The following ARSB variants were observed in gnomAD, a reference collection of about 807,000 sequenced individuals.
ARSB encodes N-acetylgalactosamine-4-sulfatase.
Under a neutral mutation model 50.9 loss-of-function variants are expected in ARSB, and 41 were observed. That is an observed-to-expected ratio of 0.81 (90% CI 0.63 to 1.04). The LOEUF (loss-of-function observed/expected upper bound fraction) is 1.04. Among genes scored for constraint, ARSB ranks in the 50% least tolerant of loss-of-function variants. The pLI, the probability that ARSB is intolerant of heterozygous loss-of-function variation, is 0.00. For missense variants in ARSB, 672 were observed against 693.3 expected, an observed-to-expected ratio of 0.97 and a Z score of 0.35; for synonymous variants, 269 against 284.8, an observed-to-expected ratio of 0.94 and a Z score of 0.56.
intron 6 of ARSB, chr5:78,815,600 T>G: frequency 1.0e-6 from 1 of 986,042 alleles, no homozygotes; most frequent in Non-Finnish European, 1.2e-6. Flanking sequence ...AAAATTTCTG[T>G]TTTTAGCTGA....
At chr5:78,841,771 AT>A (rs1745224377) in intron 5 of ARSB, among the ~76,000 whole-genome samples, 1 of 152,142 alleles carries the variant, frequency 6.6e-6, no homozygotes, top group Non-Finnish European at 1.5e-5. Context: ...CGATGAGATG[AT>A]TTTTTGAAAC....
intron 1 of ARSB, 71 bp downstream of exon 1, chr5:78,984,866 C>G (rs1250938621): frequency 1.6e-5 from 19 of 1,197,524 alleles, no homozygotes; most frequent in Non-Finnish European, 1.9e-5. Context: ...GCCTCAAGGG[C>G]CGGGTAGGAG....
intron 5 of ARSB, among the ~76,000 whole-genome samples, chr5:78,842,947 T>C (rs1474238402): frequency 6.6e-6 from 1 of 152,164 alleles, no homozygotes; most frequent in Admixed American, 6.5e-5. Context: ...TTATTTGCCA[T>C]TAGGTATCTT....
At chr5:78,937,856 A>G (rs930290328) in intron 4 of ARSB, among the ~76,000 whole-genome samples, 2 of 152,178 alleles carry the variant, frequency 1.3e-5, no homozygotes, top group African/African-American at 4.8e-5. Context: ...ATAAGGTGCC[A>G]AGATTATCAC....
At chr5:78,960,608 C>G (rs1184125673) in intron 3 of ARSB, among the ~76,000 whole-genome samples, 1 of 152,130 alleles carries the variant, frequency 6.6e-6, no homozygotes, top group East Asian at 1.9e-4. Context: ...CTCTGTCACC[C>G]AGGCTGGAGT....
At chr5:78,835,429 T>C (rs930637631) in intron 6 of ARSB, among the ~76,000 whole-genome samples, 1 of 152,154 alleles carries the variant, frequency 6.6e-6, no homozygotes, top group Admixed American at 6.5e-5. Context: ...CCTATTCGTA[T>C]GATTCACAAT....
chr5:78,969,014 G>GT lies in ARSB; in HGVS notation c.490dup (p.Thr164AsnfsTer9). 1 of 1,614,148 alleles carries GT rather than the reference G, an allele frequency of 6.2e-7. No individual in the cohort carries two copies. Among genetic ancestry groups the GT allele is most frequent in the Non-Finnish European group, 8.5e-7 (1 of 1,180,022 alleles). ...ATGTGCATTTCCATTACCAAAGTAGGTATCAAATCCTCGGCGGGTTGGAAG... is the reference window on the plus strand; with the variant it reads ...ATGTGCATTTCCATTACCAAAGTAGGTTATCAAATCCTCGGCGGGTTGGAAG... On this transcript the variant is annotated frameshift_variant, in exon 2 of 8. Transcript: ENST00000264914. LOFTEE classifies it high-confidence loss of function.
At chr5:78,900,186 C>A (rs972519388) in intron 4 of ARSB, among the ~76,000 whole-genome samples, 3 of 152,034 alleles carry the variant, frequency 2.0e-5, no homozygotes, top group Non-Finnish European at 4.4e-5. Context: ...CCCATGGGAA[C>A]CTGTGGAATG....
chr5:78,835,977 C>T (rs371462125), intron 6 of ARSB, among the ~76,000 whole-genome samples: 36 of 152,166 alleles, frequency 2.4e-4, no homozygotes, highest in Non-Finnish European at 4.6e-4. Context: ...AGTTTACACC[C>T]GAGATTGGCT....
intron 4 of ARSB, among the ~76,000 whole-genome samples, chr5:78,952,974 A>G (rs1561523260): frequency 6.6e-6 from 1 of 152,166 alleles, no homozygotes; most frequent in Non-Finnish European, 1.5e-5. Context: ...CAAAACCAGC[A>G]CTGATCAAAA....
intron 4 of ARSB, among the ~76,000 whole-genome samples, chr5:78,917,675 G>C (rs1580058077): frequency 6.6e-6 from 1 of 152,128 alleles, no homozygotes; most frequent in African/African-American, 2.4e-5. Context: ...ACCACACCCA[G>C]CTAATTTTTA....
intron 5 of ARSB, among the ~76,000 whole-genome samples, chr5:78,852,819 A>G (rs1036265710): frequency 2.0e-5 from 3 of 151,814 alleles, no homozygotes; most frequent in African/African-American, 4.8e-5. Flanking sequence ...ATCTTCCATC[A>G]CTGATACCCT....
chr5:78,800,336 A>AGC (rs1554071191), intron 6 of ARSB, among the ~76,000 whole-genome samples: 9,873 of 143,534 alleles, frequency 0.069, 693 homozygotes, highest in African/African-American at 0.18. Flanking sequence ...AAAAAAAAAA[A>AGC]AGCAGCAGCA....
chr5:78,941,321 G>A (rs529307448), intron 4 of ARSB, among the ~76,000 whole-genome samples: 26 of 151,058 alleles, frequency 1.7e-4, no homozygotes, highest in Non-Finnish European at 3.0e-4. Flanking sequence ...CCAACACTAT[G>A]TTGAATAGGA....
intron 4 of ARSB, among the ~76,000 whole-genome samples, chr5:78,915,898 C>T (rs571240379): frequency 6.6e-6 from 1 of 152,242 alleles, no homozygotes; most frequent in African/African-American, 2.4e-5. Context: ...GGCATCATAT[C>T]GGCTCAAGAA....
chr5:78,786,251 G>A (rs1749078136), intron 6 of ARSB, among the ~76,000 whole-genome samples: 1 of 152,208 alleles, frequency 6.6e-6, no homozygotes, highest in Non-Finnish European at 1.5e-5. Context: ...CAGACAATAT[G>A]TGGCCTTTCG....
intron 1 of ARSB, among the ~76,000 whole-genome samples, chr5:78,977,169 CG>C (rs67756663): frequency 0.34 from 50,330 of 149,476 alleles, 9,065 homozygotes; most frequent in African/African-American, 0.44. Flanking sequence ...ACTTCCCCCC[CG>C]CGAGATGGAG....
intron 6 of ARSB, among the ~76,000 whole-genome samples, chr5:78,829,424 C>T (rs1744576124): frequency 1.3e-5 from 2 of 152,188 alleles, no homozygotes; most frequent in Admixed American, 6.5e-5. Flanking sequence ...CAAATGCTGT[C>T]ACTTCTTCAT....
At chr5:78,848,804 A>C (rs1198588350) in intron 5 of ARSB, among the ~76,000 whole-genome samples, 2 of 152,070 alleles carry the variant, frequency 1.3e-5, no homozygotes, top group African/African-American at 4.8e-5. Flanking sequence ...TTTGATTTGC[A>C]TTTCTCTGAT....
Sources: gnomAD v4.1 joint callset for allele counts (sites outside exome capture counted in the v4.1 genomes callset) on GRCh38, gnomAD v4.1.1 for gene constraint, MANE v1.5 for transcripts, NCBI Gene and HGNC (gene_info 2026-07-23, HGNC 2026-07-21) for gene names.